Variants in SLC7A2 observed in about 807,000 individuals in gnomAD.
SLC7A2 encodes the protein cationic amino acid transporter 2.
A neutral mutation model predicts 58.9 loss-of-function variants in SLC7A2; 48 were observed. That is an observed-to-expected ratio of 0.82 (90% CI 0.65 to 1.04). The LOEUF is 1.04. Ranked by LOEUF, SLC7A2 falls within the 50% of genes least tolerant of loss-of-function variation. The pLI, the probability that SLC7A2 is intolerant of heterozygous loss-of-function variation, is 0.00. For synonymous variants in SLC7A2, 363 were observed against 314.5 expected (o/e 1.15, Z -1.63); for missense variants, 1,029 against 818.8 (o/e 1.26, Z -3.13).
intron 1 of SLC7A2, among the ~76,000 whole-genome samples, chr8:17,501,550 G>C (rs1010431388): frequency 1.3e-5 from 2 of 152,086 alleles, no homozygotes; most frequent in Non-Finnish European, 2.9e-5. Context: ...GTGGTCCCCT[G>C]TTATTCTGGG....
chr8:17,549,229 G>A (rs1229782825), intron 5 of SLC7A2, among the ~76,000 whole-genome samples: 4 of 152,228 alleles, frequency 2.6e-5, no homozygotes, highest in Non-Finnish European at 4.4e-5. Context: ...AATCCAAGAT[G>A]AGATTGGGTG....
At chr8:17,564,108 A>G (rs1030356638) in intron 12 of SLC7A2, among the ~76,000 whole-genome samples, 2 of 152,142 alleles carry the variant, frequency 1.3e-5, no homozygotes, top group African/African-American at 2.4e-5. Flanking sequence ...CTGTTAATAA[A>G]CAGTTGCTTT....
intron 7 of SLC7A2, among the ~76,000 whole-genome samples, chr8:17,552,464 A>G (rs1291890176): frequency 6.6e-6 from 1 of 152,228 alleles, no homozygotes; most frequent in Non-Finnish European, 1.5e-5. Context: ...TCTGTCTTTT[A>G]AAAATATAAT....
chr8:17,560,185 G>A, intron 9 of SLC7A2, 143 bp from the exon 10 acceptor site: 2 of 640,652 alleles, frequency 3.1e-6, no homozygotes, highest in Non-Finnish European at 5.6e-6. Context: ...GGCTCAGCAT[G>A]CTCTGGGACT....
chr8:17,542,716 G>C (rs920101781), intron 2 of SLC7A2, among the ~76,000 whole-genome samples: 1 of 151,786 alleles, frequency 6.6e-6, no homozygotes, highest in Non-Finnish European at 1.5e-5. Context: ...GAACCCAAAA[G>C]ATGAGGCAAT....
chr8:17,507,214 C>T (rs1212190400), intron 2 of SLC7A2, among the ~76,000 whole-genome samples: 1 of 152,010 alleles, frequency 6.6e-6, no homozygotes, highest in African/African-American at 2.4e-5. Context: ...CAAAGTGCTG[C>T]GATTACAGGC....
chr8:17,508,037 A>G (rs1446686699), intron 2 of SLC7A2, among the ~76,000 whole-genome samples: 1 of 152,130 alleles, frequency 6.6e-6, no homozygotes, highest in African/African-American at 2.4e-5. Flanking sequence ...TCAACCTCAT[A>G]AATGGTGCTT....
intron 2 of SLC7A2, among the ~76,000 whole-genome samples, chr8:17,542,268 T>C (rs957261843): frequency 2.6e-5 from 4 of 152,194 alleles, no homozygotes; most frequent in Admixed American, 2.6e-4. Flanking sequence ...TTTTAGATGA[T>C]AGCTAAGTCC....
intron 2 of SLC7A2, among the ~76,000 whole-genome samples, chr8:17,522,840 A>G (rs1801070229): frequency 6.6e-6 from 1 of 152,142 alleles, no homozygotes; most frequent in East Asian, 1.9e-4. Context: ...GTTTGGGACC[A>G]GCCTGGGCAA....
chr8:17,496,538 T>C (rs1407553802), upstream of SLC7A2, among the ~76,000 whole-genome samples: 1 of 152,190 alleles, frequency 6.6e-6, no homozygotes, highest in Non-Finnish European at 1.5e-5. Context: ...TCATTTCCTA[T>C]AAACCCACCC....
At chr8:17,561,614 G>T (rs1188321215) in intron 10 of SLC7A2, among the ~76,000 whole-genome samples, 1 of 152,150 alleles carries the variant, frequency 6.6e-6, no homozygotes, top group Non-Finnish European at 1.5e-5. Context: ...AAAAAGGGAA[G>T]TATCCAACCC....
chr8:17,527,213 T>C (rs1186399490), intron 2 of SLC7A2, among the ~76,000 whole-genome samples: 3 of 152,178 alleles, frequency 2.0e-5, no homozygotes, highest in African/African-American at 7.2e-5. Flanking sequence ...ATTTAGGTTT[T>C]AAAATAATCA....
rs1447423459 is a variant in SLC7A2, at chr8:17,544,561, G to A, written c.487G>A (p.Glu163Lys). 4 of 1,614,004 alleles carry A rather than the reference G, an allele frequency of 2.5e-6. No homozygotes were observed. In the East Asian group the frequency reaches 8.9e-5, roughly 36 times the overall value. Reference protein sequence around the residue: ...YFRMNYTGLAEYPDFFAVCLI... With the variant: ...YFRMNYTGLAKYPDFFAVCLI... ...CAGAATGAATTACACTGGTCTTGCA[G>A]AATATCCCGATTTTTTTGCTGTGTG... The change falls in exon 4 of 13, where the codon GAA becomes AAA. Residue 163 changes from glutamate to lysine, a missense_variant. Physicochemically the swap from Glu to Lys is moderately conservative, Grantham distance 56. Coordinates refer to ENST00000494857, the MANE Select transcript of SLC7A2 (RefSeq NM_001370338.1).
rs527325107 is a variant in SLC7A2, at chr8:17,536,678, A to T, written c.-22-6640A>T. Among the ~76,000 whole-genome samples the T allele has an allele frequency of 1.4e-4, 22 of 152,326 alleles. No individual in the cohort carries two copies. The South Asian group carries it at 4.3e-3, about 30-fold the overall frequency. On this transcript the variant is annotated intron_variant, in intron 2 of 12. Coordinates refer to ENST00000494857, the MANE Select transcript of SLC7A2 (RefSeq NM_001370338.1). ...TAAGTACGGTATTGGAAAGTGAACAAATTAGAGTTATTCTATCACGGAAAC... is the reference window on the plus strand; with the variant it reads ...TAAGTACGGTATTGGAAAGTGAACATATTAGAGTTATTCTATCACGGAAAC...
chr8:17,527,610 T>G (rs1282330813), intron 2 of SLC7A2, among the ~76,000 whole-genome samples: 1 of 152,182 alleles, frequency 6.6e-6, no homozygotes, highest in Non-Finnish European at 1.5e-5. Flanking sequence ...GGGTCATTCC[T>G]TGCCTCTTCT....
chr8:17,560,375 A>C lies in SLC7A2; in HGVS notation c.1346A>C (p.Lys449Thr), dbSNP rs778453397. 8 of 1,614,190 alleles carry C rather than the reference A, an allele frequency of 5.0e-6. No homozygotes were observed. Among genetic ancestry groups the C allele is most frequent in the Non-Finnish European group, 6.8e-6 (8 of 1,180,012 alleles). The change falls in exon 10 of 13, where the codon AAA (lysine) becomes ACA (threonine). Residue 449 changes from lysine (K) to threonine (T), a missense_variant. Lys to Thr is a moderately conservative substitution (Grantham distance 78). Transcript: ENST00000494857. ...GACCAGCCCAAATGTTCTCCTGAGA[A>C]AGATGGTCTGGGATCGTCTCCCAGG... ...SYDQPKCSPE[K>T]DGLGSSPRVT...
chr8:17,506,551 A>G (rs1800371767), intron 2 of SLC7A2, among the ~76,000 whole-genome samples: 1 of 152,212 alleles, frequency 6.6e-6, no homozygotes. Flanking sequence ...TGCTAGACGA[A>G]TATGGAAGAG....
intron 1 of SLC7A2, among the ~76,000 whole-genome samples, chr8:17,499,769 C>A (rs1338044710): frequency 6.6e-6 from 1 of 151,928 alleles, no homozygotes; most frequent in Non-Finnish European, 1.5e-5. Context: ...GCTTGAAAAT[C>A]GAAGCTGTTA....
At chr8:17,496,583 A>T (rs1799963564), upstream of SLC7A2, among the ~76,000 whole-genome samples, 1 of 152,172 alleles carries the variant, frequency 6.6e-6, no homozygotes, top group Admixed American at 6.5e-5. Flanking sequence ...ATACCACTGG[A>T]GTCTTCCAAA....
Sources: gnomAD v4.1 joint callset for allele counts (sites outside exome capture counted in the v4.1 genomes callset) on GRCh38, gnomAD v4.1.1 for gene constraint, MANE v1.5 for transcripts, NCBI Gene and HGNC (gene_info 2026-07-23, HGNC 2026-07-21) for gene names.